Variants in EEFSEC observed in about 807,000 individuals in gnomAD.
The protein encoded by EEFSEC is eukaryotic elongation factor, selenocysteine-tRNA specific, also known as selenocysteine-specific elongation factor.
A neutral mutation model predicts 42.1 loss-of-function variants in EEFSEC; 43 were observed. The ratio of observed to expected loss-of-function variants is 1.02; its 90% confidence interval spans 0.80 to 1.32. EEFSEC has a LOEUF of 1.32. Among genes scored for constraint, EEFSEC ranks in the 40% most tolerant of loss-of-function variants. The pLI is 0.00. For synonymous variants in EEFSEC, 354 were observed against 339.1 expected (o/e 1.04, Z -0.48); for missense variants, 745 against 803.6 (o/e 0.93, Z 0.88).
At position 128,262,166 on chromosome 3, in the gene EEFSEC, C is replaced by T. The variant is rs764296859; in HGVS notation, c.563C>T (p.Pro188Leu). 3.2e-5 allele frequency: 52 copies of T among 1,613,988 alleles called. No individual in the cohort carries two copies. The highest frequency in any genetic ancestry group is 5.0e-5 in the Admixed American group (3 of 59,992). Residue 188 changes from proline to leucine, a missense_variant, in exon 3 of 7, where the codon CCG becomes CTG. By Grantham distance (98) the Pro-to-Leu change is moderately conservative. Coordinates refer to ENST00000254730, the MANE Select transcript of EEFSEC (RefSeq NM_021937.5). Reference sequence around the variant, plus strand: ...CCGATTATACCCGTGGCGGCCAAGCCGGGGGGACCAGAGGCCCCCGAAACT... The same window carrying T: ...CCGATTATACCCGTGGCGGCCAAGCTGGGGGGACCAGAGGCCCCCGAAACT... ...GAPIIPVAAK[P>L]GGPEAPETEA...
At chr3:128,180,576 G>A (rs959804683) in intron 1 of EEFSEC, among the ~76,000 whole-genome samples, 1 of 152,262 alleles carries the variant, frequency 6.6e-6, no homozygotes, top group Non-Finnish European at 1.5e-5. Flanking sequence ...TGAGGATGGT[G>A]TGGAACAACA....
At chr3:128,279,216 G>GGC (rs2066499748) in intron 4 of EEFSEC, among the ~76,000 whole-genome samples, 2 of 152,216 alleles carry the variant, frequency 1.3e-5, no homozygotes, top group African/African-American at 4.8e-5. Flanking sequence ...CAGGGGTGCA[G>GGC]ACAGGCAGGA....
chr3:128,320,338 A>G (rs935822831), intron 4 of EEFSEC, among the ~76,000 whole-genome samples: 5 of 152,238 alleles, frequency 3.3e-5, no homozygotes, highest in Admixed American at 6.5e-5. Context: ...GCTCATCTCC[A>G]TTTTATTGAT....
chr3:128,208,874 T>C (rs73861013), intron 1 of EEFSEC, among the ~76,000 whole-genome samples: 1 of 152,222 alleles, frequency 6.6e-6, no homozygotes, highest in African/African-American at 2.4e-5. Flanking sequence ...CACTGAATGC[T>C]TACCTTTGAA....
At chr3:128,299,811 C>G (rs2066747189) in intron 4 of EEFSEC, among the ~76,000 whole-genome samples, 1 of 152,178 alleles carries the variant, frequency 6.6e-6, no homozygotes, top group Non-Finnish European at 1.5e-5. Flanking sequence ...TAAACCTTAG[C>G]CTTCTTCTTC....
Position 128,358,241 on chromosome 3 carries a change from G to C in EEFSEC, c.1468G>C (p.Gly490Arg). Residue 490 changes from glycine (G) to arginine (R), a missense_variant, in exon 6 of 7, where the codon GGC becomes CGC. Physicochemically the swap from Gly to Arg is moderately radical, Grantham distance 125 (BLOSUM62 -2). Transcript: ENST00000254730. ...ERAMDDYSVI[G>R]RSLFKKETNI... ...GGCGATGGATGACTACAGTGTGATC[G>C]GCCGCTCCCTGTTCAAAAAGGAAAC... 1 of 1,614,116 alleles carries C rather than the reference G, an allele frequency of 6.2e-7. No homozygotes were observed. The highest frequency in any genetic ancestry group is 1.1e-5 in the South Asian group (1 of 91,070).
intron 2 of EEFSEC, among the ~76,000 whole-genome samples, chr3:128,260,623 G>A (rs2066287175): frequency 6.6e-6 from 1 of 152,212 alleles, no homozygotes; most frequent in Non-Finnish European, 1.5e-5. Context: ...CTTTGAAGGA[G>A]CTCAAACCCA....
intron 6 of EEFSEC, among the ~76,000 whole-genome samples, chr3:128,386,027 CTATT>C (rs1403248146): frequency 1.3e-5 from 2 of 152,232 alleles, no homozygotes; most frequent in Admixed American, 6.5e-5. Flanking sequence ...AACAGGTACT[CTATT>C]TATGTCAAGG....
At chr3:128,307,663 G>A (rs1388780109) in intron 4 of EEFSEC, among the ~76,000 whole-genome samples, 1 of 152,228 alleles carries the variant, frequency 6.6e-6, no homozygotes, top group Non-Finnish European at 1.5e-5. Context: ...ACAGGAAAGT[G>A]TATTTAGACT....
At chr3:128,200,127 G>C (rs1199830149) in intron 1 of EEFSEC, among the ~76,000 whole-genome samples, 1 of 152,142 alleles carries the variant, frequency 6.6e-6, no homozygotes, top group East Asian at 1.9e-4. Flanking sequence ...TTCTGTGCCT[G>C]ACACCATCAT....
chr3:128,282,562 C>T (rs904588835), intron 4 of EEFSEC, among the ~76,000 whole-genome samples: 5 of 152,334 alleles, frequency 3.3e-5, no homozygotes, highest in Admixed American at 6.5e-5. Flanking sequence ...TGTGCACACG[C>T]GCACATGCAG....
At chr3:128,237,370 T>A (rs1300344167) in intron 1 of EEFSEC, among the ~76,000 whole-genome samples, 1 of 152,224 alleles carries the variant, frequency 6.6e-6, no homozygotes, top group African/African-American at 2.4e-5. Flanking sequence ...TTTCTTTCAG[T>A]ACTTTTTTGG....
chr3:128,413,754 C>A, the EEFSEC span, among the ~76,000 whole-genome samples: 1 of 152,196 alleles, frequency 6.6e-6, no homozygotes, highest in African/African-American at 2.4e-5. Flanking sequence ...AGGCCTCACC[C>A]CCCAAGGTCA....
intron 1 of EEFSEC, among the ~76,000 whole-genome samples, chr3:128,175,378 A>C (rs919823778): frequency 6.6e-6 from 1 of 152,186 alleles, no homozygotes; most frequent in Admixed American, 6.5e-5. Flanking sequence ...GAATGCTGTA[A>C]AGCAGCTGTG....
intron 6 of EEFSEC, among the ~76,000 whole-genome samples, chr3:128,359,915 C>G (rs2067503525): frequency 6.6e-6 from 1 of 152,210 alleles, no homozygotes; most frequent in African/African-American, 2.4e-5. Flanking sequence ...GAGCACCCTT[C>G]CCTCTCCTGA....
At chr3:128,387,319 C>T (rs528840281) in intron 6 of EEFSEC, among the ~76,000 whole-genome samples, 2 of 152,336 alleles carry the variant, frequency 1.3e-5, no homozygotes, top group African/African-American at 2.4e-5. Flanking sequence ...AAAATATCCA[C>T]ATGTCCTGGC....
At chr3:128,345,243 A>G (rs973324313) in intron 5 of EEFSEC, among the ~76,000 whole-genome samples, 1 of 152,200 alleles carries the variant, frequency 6.6e-6, no homozygotes, top group Non-Finnish European at 1.5e-5. Flanking sequence ...TTGTTTTATC[A>G]TTATTAATGT....
chr3:128,411,424 C>T (rs1239363335), downstream of EEFSEC, among the ~76,000 whole-genome samples: 1 of 152,244 alleles, frequency 6.6e-6, no homozygotes. Context: ...CCTGCAGCTG[C>T]CCCAGATAGA....
At chr3:128,201,038 T>C (rs2065638065) in intron 1 of EEFSEC, among the ~76,000 whole-genome samples, 1 of 152,224 alleles carries the variant, frequency 6.6e-6, no homozygotes, top group African/African-American at 2.4e-5. Flanking sequence ...TTTCATCTTA[T>C]CCATGCACCA....
Sources: allele counts gnomAD v4.1 joint callset (sites outside exome capture counted in the v4.1 genomes callset), GRCh38; gene constraint gnomAD v4.1.1; transcripts MANE v1.5; gene names NCBI Gene and HGNC (gene_info 2026-07-23, HGNC 2026-07-21).